FRYL: variants seen among roughly 807,000 people sequenced by gnomAD.
The protein encoded by FRYL is protein furry homolog-like.
A neutral mutation model predicts 351.2 loss-of-function variants in FRYL; 150 were observed. The observed-to-expected ratio is 0.43, with a 90% CI of 0.37 to 0.49. The LOEUF is 0.49. Among genes scored for constraint, FRYL ranks in the 20% least tolerant of loss-of-function variants. The pLI is 0.00. For synonymous variants in FRYL, 1,153 were observed against 1,257.1 expected (o/e 0.92, Z 1.75); for missense variants, 3,036 against 3,619.3 (o/e 0.84, Z 4.13).
chr4:48,719,291 A>C (rs1428941156), intron 1 of FRYL, among the ~76,000 whole-genome samples: 1 of 151,568 alleles, frequency 6.6e-6, no homozygotes, highest in African/African-American at 2.4e-5. Context: ...GCCTTCCTAC[A>C]CACAGATCTA....
chr4:48,691,228 T>G (rs1365180528), intron 2 of FRYL, among the ~76,000 whole-genome samples: 4 of 152,202 alleles, frequency 2.6e-5, no homozygotes, highest in Non-Finnish European at 5.9e-5. Flanking sequence ...TTCTAAGAGC[T>G]TATTCTAGAA....
intron 7 of FRYL, among the ~76,000 whole-genome samples, chr4:48,610,761 TA>T (rs1454565144): frequency 1.4e-5 from 2 of 146,500 alleles, no homozygotes; most frequent in East Asian, 3.9e-4. Context: ...TATATACATA[TA>T]TTATATATAT....
At chr4:48,537,163 A>C (rs1729070887) in intron 47 of FRYL, among the ~76,000 whole-genome samples, 1 of 152,228 alleles carries the variant, frequency 6.6e-6, no homozygotes, top group Non-Finnish European at 1.5e-5. Context: ...TTAAAACATA[A>C]AAAACTTTCC....
intron 48 of FRYL, among the ~76,000 whole-genome samples, chr4:48,535,428 A>AG (rs1375871014): frequency 6.6e-6 from 1 of 152,112 alleles, no homozygotes; most frequent in Non-Finnish European, 1.5e-5. Flanking sequence ...TACACTTGAT[A>AG]GGAAGTAACT....
chr4:48,569,779 T>A (rs566255192), intron 27 of FRYL, among the ~76,000 whole-genome samples: 1 of 152,336 alleles, frequency 6.6e-6, no homozygotes, highest in Non-Finnish European at 1.5e-5. Flanking sequence ...GCAGTTATCA[T>A]AGTTACTACA....
intron 1 of FRYL, among the ~76,000 whole-genome samples, chr4:48,773,228 A>C (rs1775695267): frequency 6.6e-6 from 1 of 152,208 alleles, no homozygotes; most frequent in Admixed American, 6.5e-5. Context: ...TATAAGACGC[A>C]AGATAAAGAC....
In FRYL at chr4:48,619,273, C is replaced by A. The variant is rs1750177064; in HGVS notation, c.411+1G>T. On this transcript the variant is annotated splice_donor_variant, in intron 7 of 63. Coordinates refer to ENST00000358350, the MANE Select transcript of FRYL (RefSeq NM_015030.2). LOFTEE classifies it high-confidence loss of function. ...GACTTTGCAGAAATAAAAGAGCTTA[C>A]CTGCTTTAGAACTTCAACTAAAACT... 6.3e-7 allele frequency: 1 copy of A among 1,587,946 alleles called. No homozygotes were observed.
intron 33 of FRYL, among the ~76,000 whole-genome samples, chr4:48,560,637 C>T (rs1407314208): frequency 2.0e-5 from 3 of 152,124 alleles, no homozygotes; most frequent in African/African-American, 7.2e-5. Context: ...TGTTGATGAT[C>T]ACTCATATTC....
chr4:48,626,846 C>T lies in FRYL; in HGVS notation c.121-3667G>A, dbSNP rs559647404. 3.3e-5 allele frequency among the ~76,000 whole-genome samples: 5 copies of T among 152,018 alleles called. No homozygotes were observed. The South Asian group carries it at 1.0e-3, about 32-fold the overall frequency. ...AAAACACGATCACAAATGTATTTAC[C>T]ACTGAAATATAAAAATTCCCAATCT... On this transcript the variant is annotated intron_variant, in intron 4 of 63. Coordinates refer to ENST00000358350, the MANE Select transcript of FRYL (RefSeq NM_015030.2).
chr4:48,575,400 G>C (rs1739389774), intron 24 of FRYL, among the ~76,000 whole-genome samples, 159 bp from the exon 25 acceptor site: 1 of 152,116 alleles, frequency 6.6e-6, no homozygotes, highest in South Asian at 2.1e-4. Context: ...TAACTTAAAA[G>C]GTTAAATAGC....
At chr4:48,600,358 G>A (rs1467414257) in intron 13 of FRYL, among the ~76,000 whole-genome samples, 3 of 152,118 alleles carry the variant, frequency 2.0e-5, no homozygotes, top group African/African-American at 7.2e-5. Context: ...TAAAATTTCT[G>A]CTGAATAGAG....
At chr4:48,749,844 C>T (rs1259580666) in intron 1 of FRYL, among the ~76,000 whole-genome samples, 4 of 152,090 alleles carry the variant, frequency 2.6e-5, no homozygotes, top group Non-Finnish European at 5.9e-5. Context: ...CCTAAGAAAC[C>T]TCCCTGGGCC....
intron 7 of FRYL, 112 bp from the exon 8 acceptor site, chr4:48,609,935 T>G (rs543375995): frequency 4.1e-6 from 2 of 493,300 alleles, no homozygotes; most frequent in African/African-American, 4.0e-5. Flanking sequence ...ATGGGATTAT[T>G]ACTAATCTGT....
intron 13 of FRYL, among the ~76,000 whole-genome samples, chr4:48,596,859 T>A (rs1034090706): frequency 1.3e-5 from 2 of 152,036 alleles, no homozygotes; most frequent in Non-Finnish European, 2.9e-5. Flanking sequence ...AATCTCCTTT[T>A]TTTTTTTTTA....
chr4:48,745,062 G>C (rs1442919680), intron 1 of FRYL, among the ~76,000 whole-genome samples: 1 of 152,182 alleles, frequency 6.6e-6, no homozygotes, highest in Non-Finnish European at 1.5e-5. Context: ...AGCTAGGCTG[G>C]AATTTGGATA....
At position 48,663,455 on chromosome 4, in the gene FRYL, C is replaced by T. The variant is rs528271725; in HGVS notation, c.-81+21218G>A. On this transcript the variant is annotated intron_variant, in intron 3 of 63. Coordinates refer to ENST00000358350, the MANE Select transcript of FRYL (RefSeq NM_015030.2). ...AAGCGGGTGGGGAAAGAAAACACAA[C>T]AGATAGGACAAAAAGGAAACAAACA... Among the ~76,000 whole-genome samples, 15 of 151,534 alleles carry T rather than the reference C, an allele frequency of 9.9e-5. No individual in the cohort carries two copies. The South Asian group carries it at 2.5e-3, about 25-fold the overall frequency.
At chr4:48,512,802 C>T in intron 56 of FRYL, 114 bp from the exon 57 acceptor site, 3 of 698,606 alleles carry the variant, frequency 4.3e-6, no homozygotes, top group Non-Finnish European at 7.3e-6. Context: ...ATCATACACA[C>T]TGATTTAGAA....
chr4:48,648,822 G>A (rs904747039), intron 3 of FRYL, among the ~76,000 whole-genome samples: 1 of 152,126 alleles, frequency 6.6e-6, no homozygotes, highest in Non-Finnish European at 1.5e-5. Flanking sequence ...AGACAAATCC[G>A]TAGTGACAGA....
At chr4:48,566,317 AT>A (rs764277734) in intron 28 of FRYL, among the ~76,000 whole-genome samples, 3 of 152,114 alleles carry the variant, frequency 2.0e-5, no homozygotes, top group South Asian at 2.1e-4. Context: ...ATCTCCAAGG[AT>A]TTTTTTCCCC....
Sources: allele counts gnomAD v4.1 joint callset (sites outside exome capture counted in the v4.1 genomes callset), GRCh38; gene constraint gnomAD v4.1.1; transcripts MANE v1.5; gene names NCBI Gene and HGNC (gene_info 2026-07-23, HGNC 2026-07-21).